TBC1D9: variants seen among roughly 807,000 people sequenced by gnomAD.
TBC1D9 encodes TBC1 domain family member 9A.
TBC1D9 carries 63 observed loss-of-function variants against 132.0 expected under a neutral mutation model. The ratio of observed to expected loss-of-function variants is 0.48; its 90% CI spans 0.39 to 0.59. TBC1D9 has a LOEUF of 0.59. Among genes scored for constraint, TBC1D9 ranks in the 20% least tolerant of loss-of-function variants. The probability of loss-of-function intolerance (pLI) is 0.00; values close to 1 mark genes in which losing one functional copy is unlikely to be tolerated. For missense variants in TBC1D9, 1,261 were observed against 1,592.7 expected (o/e 0.79, Z 3.54); for synonymous variants, 610 against 609.9 (o/e 1.00, Z 0.00).
chr4:140,751,048 C>G (rs760481611), intron 1 of TBC1D9, among the ~76,000 whole-genome samples: 1 of 152,032 alleles, frequency 6.6e-6, no homozygotes, highest in Non-Finnish European at 1.5e-5. Flanking sequence ...CTGTATTGTG[C>G]TCAAAGAATA....
At chr4:140,704,585 G>A (rs1035438338) in intron 1 of TBC1D9, among the ~76,000 whole-genome samples, 3 of 152,052 alleles carry the variant, frequency 2.0e-5, no homozygotes, top group Admixed American at 2.0e-4. Context: ...CCTGGTTCTA[G>A]AATGCTTCAA....
At chr4:140,644,340 TG>T in intron 13 of TBC1D9, 1 of 266,386 alleles carries the variant, frequency 3.8e-6, no homozygotes. Flanking sequence ...GCTGGTGGGG[TG>T]GGAGCTAGGG....
intron 1 of TBC1D9, among the ~76,000 whole-genome samples, chr4:140,746,097 T>C (rs373419057): frequency 7.2e-5 from 11 of 152,334 alleles, no homozygotes; most frequent in African/African-American, 2.6e-4. Flanking sequence ...ACCATCTCCA[T>C]GCCTATGTTC....
At chr4:140,683,011 C>G (rs551347088) in intron 3 of TBC1D9, among the ~76,000 whole-genome samples, 1 of 152,040 alleles carries the variant, frequency 6.6e-6, no homozygotes, top group Non-Finnish European at 1.5e-5. Flanking sequence ...CTCAGCTTCC[C>G]GAGTAGCTGG....
intron 1 of TBC1D9, among the ~76,000 whole-genome samples, chr4:140,750,857 T>C (rs1738913470): frequency 6.6e-6 from 1 of 152,138 alleles, no homozygotes; most frequent in Admixed American, 6.5e-5. Flanking sequence ...TGGTTCGACT[T>C]ACAAATTTTT....
intron 6 of TBC1D9, among the ~76,000 whole-genome samples, chr4:140,676,039 T>G (rs933407826): frequency 3.9e-5 from 6 of 152,158 alleles, no homozygotes; most frequent in Non-Finnish European, 7.4e-5. Context: ...ATGCTCACAC[T>G]CAAGACTACT....
At position 140,693,464 on chromosome 4, in the gene TBC1D9, C is replaced by T. The variant is rs116675091; in HGVS notation, c.242-7002G>A. Among the ~76,000 whole-genome samples the T allele has an allele frequency of 6.6e-3, 1,008 of 152,240 alleles. 12 individuals carry two copies. The highest frequency in any genetic ancestry group is 0.044 in the South Asian group (211 of 4,814). On this transcript the variant is annotated intron_variant, in intron 2 of 20. Transcript: ENST00000442267. ...CAATGCCACATACTAACTCTGGGGCCGTGGGTAAATTACTTTAACCTCTTT... is the reference window on the plus strand; with the variant it reads ...CAATGCCACATACTAACTCTGGGGCTGTGGGTAAATTACTTTAACCTCTTT...
intron 16 of TBC1D9, among the ~76,000 whole-genome samples, chr4:140,631,895 C>T (rs1256904473): frequency 6.6e-6 from 1 of 152,180 alleles, no homozygotes; most frequent in Non-Finnish European, 1.5e-5. Flanking sequence ...CGGGGCCTGG[C>T]CCATTCTTTA....
At chr4:140,687,204 A>G (rs868308714) in intron 2 of TBC1D9, among the ~76,000 whole-genome samples, 2 of 151,212 alleles carry the variant, frequency 1.3e-5, no homozygotes, top group South Asian at 2.1e-4. Context: ...GTATGCCATC[A>G]GGGTGGGGGT....
At chr4:140,644,149 G>A in intron 13 of TBC1D9, 2 of 372,884 alleles carry the variant, frequency 5.4e-6, no homozygotes, top group Non-Finnish European at 5.2e-6. Flanking sequence ...AAAGGGTAGG[G>A]CCTCCCGTAG....
At chr4:140,693,769 T>A (rs1737910927) in intron 2 of TBC1D9, among the ~76,000 whole-genome samples, 1 of 152,200 alleles carries the variant, frequency 6.6e-6, no homozygotes, top group Admixed American at 6.5e-5. Context: ...CTGGAACACT[T>A]ATGTTTGATT....
chr4:140,737,522 A>G (rs927493003), intron 1 of TBC1D9, among the ~76,000 whole-genome samples: 2 of 151,880 alleles, frequency 1.3e-5, no homozygotes, highest in African/African-American at 4.8e-5. Context: ...CTTCCCCACA[A>G]TAAGAAACTA....
rs201326849 is a variant in TBC1D9, at chr4:140,622,639, G to A, written c.3357C>T (p.Pro1119=). ...CTCCAAGGGAGTGTTCCTCGCTGTC[G>A]GGGGCCAGGCTGGCCGGCAGGGGCT... ...SVEPLPASLA[P]DSEEHSLGGQ... Residue 1119 remains proline (P), a synonymous_variant, in exon 21 of 21, where the codon CCC becomes CCT. Coordinates refer to ENST00000442267, the MANE Select transcript of TBC1D9 (RefSeq NM_015130.3). 11 of 1,611,054 alleles carry A rather than the reference G, an allele frequency of 6.8e-6. No homozygotes were observed. The highest frequency in any genetic ancestry group is 2.2e-5 in the East Asian group (1 of 44,850).
At chr4:140,667,271 G>C (rs1414598801) in intron 9 of TBC1D9, among the ~76,000 whole-genome samples, 5 of 152,096 alleles carry the variant, frequency 3.3e-5, no homozygotes, top group Non-Finnish European at 7.4e-5. Flanking sequence ...TCCATCTGCC[G>C]TTAAAGGAAA....
At chr4:140,685,966 T>C (rs1737772782) in intron 3 of TBC1D9, among the ~76,000 whole-genome samples, 1 of 152,162 alleles carries the variant, frequency 6.6e-6, no homozygotes. Flanking sequence ...TATTTCAAAG[T>C]AGCTAGAAGA....
chr4:140,649,384 T>C (rs763775749), intron 13 of TBC1D9, among the ~76,000 whole-genome samples: 5 of 152,264 alleles, frequency 3.3e-5, no homozygotes, highest in Non-Finnish European at 7.3e-5. Flanking sequence ...TTTCCCAGTA[T>C]GCAGAATGGG....
chr4:140,741,985 T>TAC (rs1321719020), intron 1 of TBC1D9, among the ~76,000 whole-genome samples: 1 of 152,162 alleles, frequency 6.6e-6, no homozygotes, highest in Non-Finnish European at 1.5e-5. Context: ...ATGTACACCT[T>TAC]ACATGGGTTG....
At chr4:140,698,560 C>G (rs944599549) in intron 2 of TBC1D9, among the ~76,000 whole-genome samples, 11 of 152,066 alleles carry the variant, frequency 7.2e-5, no homozygotes, top group Non-Finnish European at 1.0e-4. Flanking sequence ...CCAGCCTGAC[C>G]AACATGGTAA....
rs10015224 is a variant in TBC1D9 at position 140,643,771 on chromosome 4, G to A, written c.2338-4343C>T. ...GCTTCAGGCCCCTCCGCAAAGTCTG[G>A]GCACTCAGAGGGCTCGGTGCAGCCC... On this transcript the variant is annotated intron_variant, in intron 13 of 20. Coordinates refer to ENST00000442267, the MANE Select transcript of TBC1D9 (RefSeq NM_015130.3). 1,517 of 978,454 alleles carry A rather than the reference G, an allele frequency of 1.6e-3. 20 individuals carry two copies. In the African/African-American group the frequency reaches 0.022, roughly 14 times the overall value. 60.6% of individuals were successfully genotyped at this position (978,454 alleles called of 1,614,324 possible).
Sources: allele counts gnomAD v4.1 joint callset (sites outside exome capture counted in the v4.1 genomes callset), GRCh38; gene constraint gnomAD v4.1.1; transcripts MANE v1.5; gene names NCBI Gene and HGNC (gene_info 2026-07-23, HGNC 2026-07-21).